The following SYT1 variants were observed in gnomAD, a reference collection of about 807,000 sequenced individuals.
SYT1 encodes synaptotagmin 1.
SYT1 carries 8 observed loss-of-function variants against 44.8 expected under a neutral mutation model. The ratio of observed to expected loss-of-function variants is 0.18; its 90% CI spans 0.10 to 0.32. The LOEUF is 0.32. Among genes scored for constraint, SYT1 ranks in the 10% least tolerant of loss-of-function variants. SYT1 has a pLI of 1.00. For synonymous variants in SYT1, 154 were observed against 188.8 expected (o/e 0.82, Z 1.51); for missense variants, 286 against 509.3 (o/e 0.56, Z 4.22).
chr12:79,214,783 C>T (rs1382601786), intron 3 of SYT1, among the ~76,000 whole-genome samples: 3 of 152,154 alleles, frequency 2.0e-5, no homozygotes, highest in Non-Finnish European at 4.4e-5. Flanking sequence ...TTTCATTTAA[C>T]TCAATCATTT....
chr12:79,370,665 A>T (rs1008202734), intron 9 of SYT1, among the ~76,000 whole-genome samples: 2 of 152,144 alleles, frequency 1.3e-5, no homozygotes, highest in Non-Finnish European at 2.9e-5. Context: ...CAGGAGGCTG[A>T]GACAGGAGAA....
chr12:79,280,430 G>T (rs1878983353), intron 4 of SYT1, among the ~76,000 whole-genome samples: 1 of 152,036 alleles, frequency 6.6e-6, no homozygotes, highest in African/African-American at 2.4e-5. Context: ...AATGGTGCTG[G>T]GAAAATTGGA....
At chr12:79,288,111 T>C (rs1879401146) in intron 5 of SYT1, among the ~76,000 whole-genome samples, 1 of 152,162 alleles carries the variant, frequency 6.6e-6, no homozygotes, top group African/African-American at 2.4e-5. Context: ...CCATAGCTTA[T>C]GCTACTTTTT....
intron 2 of SYT1, among the ~76,000 whole-genome samples, chr12:79,027,906 C>T (rs1872627307): frequency 6.6e-6 from 1 of 151,508 alleles, no homozygotes; most frequent in African/African-American, 2.4e-5. Context: ...GTCTGATAGC[C>T]TTTCTGTGGA....
intron 3 of SYT1, among the ~76,000 whole-genome samples, chr12:79,210,083 A>C (rs138174590): frequency 6.6e-6 from 1 of 152,190 alleles, no homozygotes; most frequent in Admixed American, 6.5e-5. Flanking sequence ...CTATCTTACT[A>C]TGTAATCTGA....
chr12:79,308,608 AAGAAAAAG>A (rs1366966309), intron 8 of SYT1, among the ~76,000 whole-genome samples: 8 of 59,054 alleles, frequency 1.4e-4, no homozygotes, highest in Non-Finnish European at 2.1e-4. Flanking sequence ...GAAAGAAAGA[AAGAAAAAG>A]AAAGAAAGAA....
intron 8 of SYT1, among the ~76,000 whole-genome samples, chr12:79,321,230 A>C (rs1245066565): frequency 6.6e-6 from 1 of 152,226 alleles, no homozygotes; most frequent in Non-Finnish European, 1.5e-5. Context: ...AGTAATGGCC[A>C]AAAATTTAAA....
intron 4 of SYT1, among the ~76,000 whole-genome samples, chr12:79,221,569 G>A (rs1226123227): frequency 6.6e-6 from 1 of 151,882 alleles, no homozygotes; most frequent in East Asian, 1.9e-4. Context: ...TTGTATATCA[G>A]CTAGAGGTTT....
At chr12:79,269,880 C>CTA (rs1056159249) in intron 4 of SYT1, among the ~76,000 whole-genome samples, 2 of 152,114 alleles carry the variant, frequency 1.3e-5, no homozygotes, top group African/African-American at 4.8e-5. Context: ...CCATTTTAGG[C>CTA]TATAATGAGA....
At chr12:79,112,087 C>T (rs1879045749) in intron 3 of SYT1, among the ~76,000 whole-genome samples, 2 of 150,556 alleles carry the variant, frequency 1.3e-5, no homozygotes, top group African/African-American at 4.9e-5. Context: ...ATAAGAGAGT[C>T]AACAGTTAGT....
chr12:79,142,598 C>G (rs1332062253), intron 3 of SYT1, among the ~76,000 whole-genome samples: 5 of 152,192 alleles, frequency 3.3e-5, no homozygotes, highest in African/African-American at 1.2e-4. Context: ...GGAATATTTC[C>G]ATTTGGCAAA....
intron 3 of SYT1, among the ~76,000 whole-genome samples, chr12:79,114,765 CT>C (rs1241633094): frequency 1.8e-4 from 27 of 152,076 alleles, no homozygotes; most frequent in Admixed American, 1.8e-3. Context: ...ATTCATTTGT[CT>C]TTGAGGAGAA....
intron 3 of SYT1, among the ~76,000 whole-genome samples, chr12:79,151,330 A>T (rs1459828066): frequency 1.3e-5 from 2 of 152,178 alleles, no homozygotes; most frequent in Non-Finnish European, 2.9e-5. Flanking sequence ...TGCCAGGAAG[A>T]ATGGGAACTT....
rs11113157 is a variant in SYT1, at chr12:79,211,222, C to A, written c.-17-6281C>A. On this transcript the variant is annotated intron_variant, in intron 3 of 10. Transcript: ENST00000261205. Reference sequence around the variant, plus strand: ...TAATTTGTGTTTTTACCTAACACTCCCATGTATTTCCAGGTTTATAGATGG... The same window carrying A: ...TAATTTGTGTTTTTACCTAACACTCACATGTATTTCCAGGTTTATAGATGG... Among the ~76,000 whole-genome samples, 781 of 152,070 alleles carry A rather than the reference C, an allele frequency of 5.1e-3. 3 individuals are homozygous for A. Among genetic ancestry groups the A allele is most frequent in the Middle Eastern group, 0.01 (3 of 294 alleles).
chr12:79,144,726 T>C (rs1267599652), intron 3 of SYT1, among the ~76,000 whole-genome samples: 1 of 152,226 alleles, frequency 6.6e-6, no homozygotes, highest in African/African-American at 2.4e-5. Flanking sequence ...GAAATTGGCG[T>C]GGGATAAGCT....
intron 9 of SYT1, among the ~76,000 whole-genome samples, chr12:79,441,401 C>T (rs541647487): frequency 4.6e-5 from 7 of 152,124 alleles, no homozygotes; most frequent in South Asian, 2.1e-4. Context: ...CTGCAACCTC[C>T]GTCTCCCTGG....
chr12:79,355,308 A>C (rs1267888225), intron 9 of SYT1, among the ~76,000 whole-genome samples: 1 of 152,178 alleles, frequency 6.6e-6, no homozygotes, highest in Non-Finnish European at 1.5e-5. Flanking sequence ...CCTGCAATGC[A>C]CTAACTAACT....
At chr12:79,238,799 C>T (rs1396139454) in intron 4 of SYT1, among the ~76,000 whole-genome samples, 1 of 152,190 alleles carries the variant, frequency 6.6e-6, no homozygotes, top group Non-Finnish European at 1.5e-5. Context: ...ATGTTGATGG[C>T]AATCCAACTG....
At chr12:79,420,726 A>G (rs1869057036) in intron 9 of SYT1, among the ~76,000 whole-genome samples, 1 of 152,156 alleles carries the variant, frequency 6.6e-6, no homozygotes, top group Admixed American at 6.6e-5. Context: ...ATCTAAATAG[A>G]AGGGCATTGC....
Sources: allele counts gnomAD v4.1 joint callset (sites outside exome capture counted in the v4.1 genomes callset), GRCh38; gene constraint gnomAD v4.1.1; transcripts MANE v1.5; gene names NCBI Gene and HGNC (gene_info 2026-07-23, HGNC 2026-07-21).